CEP170: variants seen among roughly 807,000 people sequenced by gnomAD.
CEP170 encodes centrosomal protein 170, also known as centrosomal protein of 170 kDa.
A neutral mutation model predicts 151.9 loss-of-function variants in CEP170; 21 were observed. The observed-to-expected ratio is 0.14, with a 90% confidence interval of 0.10 to 0.20. The LOEUF is 0.20. CEP170 is among the 10% of genes least tolerant of loss of function. CEP170 has a pLI of 1.00. For synonymous variants in CEP170, 356 were observed against 648.8 expected (o/e 0.55, Z 6.86); for missense variants, 964 against 1,892.9 (o/e 0.51, Z 9.11).
At chr1:243,183,808 A>G (rs1391387076) in intron 10 of CEP170, among the ~76,000 whole-genome samples, 1 of 152,192 alleles carries the variant, frequency 6.6e-6, no homozygotes, top group Non-Finnish European at 1.5e-5. Context: ...GGGTTTCTCT[A>G]TCCACAGTGT....
chr1:243,214,164 T>C (rs1438987600), intron 3 of CEP170, among the ~76,000 whole-genome samples: 1 of 152,048 alleles, frequency 6.6e-6, no homozygotes, highest in Non-Finnish European at 1.5e-5. Context: ...GATGTAGACA[T>C]AAAATTATTG....
intron 7 of CEP170, among the ~76,000 whole-genome samples, chr1:243,198,709 T>C (rs1045871093): frequency 1.3e-5 from 2 of 152,054 alleles, no homozygotes; most frequent in African/African-American, 2.4e-5. Flanking sequence ...GCAAAATTAA[T>C]GCCTACAATT....
chr1:243,209,712 C>T (rs1362673352), intron 4 of CEP170, among the ~76,000 whole-genome samples: 1 of 151,190 alleles, frequency 6.6e-6, no homozygotes, highest in Non-Finnish European at 1.5e-5. Flanking sequence ...CGGAGTCTGG[C>T]TCTGTTGCCC....
At chr1:243,176,373 G>C (rs549084056) in intron 10 of CEP170, among the ~76,000 whole-genome samples, 6 of 152,224 alleles carry the variant, frequency 3.9e-5, no homozygotes, top group African/African-American at 1.4e-4. Flanking sequence ...ACTTGCACTT[G>C]CATGGAGAGC....
At chr1:243,246,833 A>AT (rs2065450782) in intron 1 of CEP170, among the ~76,000 whole-genome samples, 1 of 152,162 alleles carries the variant, frequency 6.6e-6, no homozygotes, top group African/African-American at 2.4e-5. Context: ...CATTATATGC[A>AT]TTTTTTATCC....
chr1:243,147,888 A>G (rs1373444544), intron 14 of CEP170, among the ~76,000 whole-genome samples: 1 of 152,212 alleles, frequency 6.6e-6, no homozygotes, highest in African/African-American at 2.4e-5. Flanking sequence ...TATCTTTTAA[A>G]AAACAAAAGA....
intron 14 of CEP170, among the ~76,000 whole-genome samples, chr1:243,143,812 C>T (rs1312459145): frequency 1.3e-5 from 2 of 151,598 alleles, no homozygotes; most frequent in African/African-American, 2.4e-5. Flanking sequence ...AGCAATCCTC[C>T]GACTCAGCCT....
chr1:243,139,932 C>T lies in CEP170; in HGVS notation c.4230+5G>A, dbSNP rs1456083212. 1 of 1,607,270 alleles carries T rather than the reference C, an allele frequency of 6.2e-7. No homozygotes were observed. The highest frequency in any genetic ancestry group is 8.5e-7 in the Non-Finnish European group (1 of 1,175,490). ...GCCACATGTTAAAATTTATAGTTTA[C>T]TTACTTCATCCCTGCTCCAGGTTCT... On this transcript the variant is annotated splice_donor_5th_base_variant and intron_variant, in intron 16 of 19. Coordinates refer to ENST00000366542, the MANE Select transcript of CEP170 (RefSeq NM_014812.3).
At chr1:243,228,176 C>T (rs962483075) in intron 1 of CEP170, among the ~76,000 whole-genome samples, 4 of 152,014 alleles carry the variant, frequency 2.6e-5, no homozygotes, top group African/African-American at 4.8e-5. Flanking sequence ...TATATTAAAC[C>T]AAAATCCTGT....
Position 243,139,983 on chromosome 1 carries a change from G to T in CEP170, c.4184C>A (p.Pro1395His), listed in dbSNP as rs201404435. The T allele has an allele frequency of 2.0e-4, 316 of 1,613,408 alleles. No individual in the cohort carries two copies. The highest frequency in any genetic ancestry group is 2.5e-4 in the Non-Finnish European group (292 of 1,179,616). Residue 1395 changes from proline to histidine, a missense_variant, in exon 16 of 20, where the codon CCC becomes CAC. By Grantham distance (77) the Pro-to-His change is moderately conservative. Transcript: ENST00000366542. ...GDPRPQAAEP[P>H]DHLTITRRRT... Reference sequence around the variant, plus strand: ...CCGCCTTGTAATTGTTAAGTGATCGGGAGGCTCTGCTGCTTGAGGTCTTGG... The same window carrying T: ...CCGCCTTGTAATTGTTAAGTGATCGTGAGGCTCTGCTGCTTGAGGTCTTGG...
chr1:243,162,859 G>C (rs1164390483), intron 13 of CEP170, among the ~76,000 whole-genome samples: 1 of 152,176 alleles, frequency 6.6e-6, no homozygotes, highest in East Asian at 1.9e-4. Flanking sequence ...ACCAAAAACA[G>C]AATGAAAATA....
At chr1:243,239,565 CTGT>C (rs1309036034) in intron 1 of CEP170, among the ~76,000 whole-genome samples, 1 of 152,114 alleles carries the variant, frequency 6.6e-6, no homozygotes, top group East Asian at 1.9e-4. Flanking sequence ...GTAAAAAGCC[CTGT>C]TATCTCCCCA....
intron 1 of CEP170, among the ~76,000 whole-genome samples, chr1:243,225,984 T>TAG (rs1367969707): frequency 2.7e-5 from 4 of 146,512 alleles, no homozygotes; most frequent in African/African-American, 1.0e-4. Flanking sequence ...TCTATCTATC[T>TAG]ATATATATAC....
chr1:243,163,926 A>T (rs2058256997), intron 13 of CEP170, among the ~76,000 whole-genome samples: 1 of 152,244 alleles, frequency 6.6e-6, no homozygotes, highest in Non-Finnish European at 1.5e-5. Context: ...CACAATGTTA[A>T]TTCCTATACT....
chr1:243,150,829 C>T (rs1400932608), intron 14 of CEP170, among the ~76,000 whole-genome samples: 2 of 152,178 alleles, frequency 1.3e-5, no homozygotes, highest in Non-Finnish European at 2.9e-5. Context: ...ATCAACTTGT[C>T]GACTCTCTCA....
At chr1:243,146,452 T>C (rs1357389685) in intron 14 of CEP170, among the ~76,000 whole-genome samples, 1 of 152,202 alleles carries the variant, frequency 6.6e-6, no homozygotes, top group Non-Finnish European at 1.5e-5. Flanking sequence ...GGATCCTGTA[T>C]CAGGCCCCAA....
chr1:243,152,320 C>T (rs1305755681), intron 14 of CEP170, among the ~76,000 whole-genome samples: 1 of 150,046 alleles, frequency 6.7e-6, no homozygotes, highest in East Asian at 2.0e-4. Context: ...CTCCTGGGTT[C>T]ACGCCATTCT....
chr1:243,178,374 C>T (rs1488504721), intron 10 of CEP170, among the ~76,000 whole-genome samples: 1 of 146,580 alleles, frequency 6.8e-6, no homozygotes, highest in African/African-American at 2.5e-5. Context: ...ACATGTGAAC[C>T]TTGAAAACAT....
chr1:243,191,603 C>G, intron 7 of CEP170, 109 bp from the exon 8 acceptor site: 1 of 735,386 alleles, frequency 1.4e-6, no homozygotes, highest in Non-Finnish European at 2.2e-6. Context: ...AGGCAGATCA[C>G]AGTCTGGATG....
Sources: allele counts gnomAD v4.1 joint callset (sites outside exome capture counted in the v4.1 genomes callset), GRCh38; gene constraint gnomAD v4.1.1; transcripts MANE v1.5; gene names NCBI Gene and HGNC (gene_info 2026-07-23, HGNC 2026-07-21).